Variants in HELB observed in about 807,000 individuals in gnomAD.
The protein encoded by HELB is DNA 5'-3' helicase B.
HELB carries 96 observed loss-of-function variants against 101.7 expected under a neutral mutation model. That is an observed-to-expected ratio of 0.94 (90% CI 0.80 to 1.12). The LOEUF is 1.12. HELB is among the 50% of genes most tolerant of loss of function. The pLI is 0.00. For missense variants in HELB, 1,210 were observed against 1,291.9 expected (o/e 0.94, Z 0.97); for synonymous variants, 437 against 459.7 (o/e 0.95, Z 0.63).
intron 1 of HELB, among the ~76,000 whole-genome samples, chr12:66,304,140 G>A (rs558772066): frequency 6.6e-6 from 1 of 152,162 alleles, no homozygotes; most frequent in Non-Finnish European, 1.5e-5. Flanking sequence ...AAATAACAAG[G>A]TTGCAGTCTT....
rs753367109 is a variant in HELB at position 66,305,166 on chromosome 12, A to G, written c.607+16A>G. The G allele has an allele frequency of 2.1e-6, 3 of 1,438,494 alleles. No homozygotes were observed. The highest frequency in any genetic ancestry group is 2.8e-6 in the Non-Finnish European group (3 of 1,056,956). 89.1% of individuals were successfully genotyped at this position (1,438,494 alleles called of 1,614,324 possible). ...GAAAACACAAGTAAGTGTGATTTTTATCATCAACTTTCAGTGTAATTGACA... is the reference window on the plus strand; with the variant it reads ...GAAAACACAAGTAAGTGTGATTTTTGTCATCAACTTTCAGTGTAATTGACA... On this transcript the variant is annotated intron_variant, in intron 2 of 12. Coordinates refer to ENST00000247815, the MANE Select transcript of HELB (RefSeq NM_001370285.1).
downstream of HELB, chr12:66,342,309 A>G (rs2053923368): frequency 6.6e-6 from 1 of 150,864 alleles, no homozygotes; most frequent in African/African-American, 2.4e-5. Flanking sequence ...AAATTAGTTG[A>G]CTGTAAATGT....
intron 1 of HELB, among the ~76,000 whole-genome samples, chr12:66,303,349 C>T (rs928139007): frequency 2.8e-4 from 42 of 151,944 alleles, no homozygotes; most frequent in African/African-American, 9.9e-4. Context: ...CAAAACAGTC[C>T]GGGCGCGGTG....
rs1419633757 is a variant in HELB, at chr12:66,322,754, C to T, written c.2268C>T (p.Cys756=). The T allele has an allele frequency of 1.9e-6, 3 of 1,610,718 alleles. No homozygotes were observed. Among genetic ancestry groups the T allele is most frequent in the Admixed American group, 1.7e-5 (1 of 59,746 alleles). ...RQDCDLINDC[C]CKHYTGHLTK... is the part of the protein sequence containing the mutation. Reference sequence around the variant, plus strand: ...ACTGTGATCTAATTAATGACTGCTGCTGCAAACACTACACAGGCCACCTCA... The same window carrying T: ...ACTGTGATCTAATTAATGACTGCTGTTGCAAACACTACACAGGCCACCTCA... Residue 756 remains cysteine, a synonymous_variant, in exon 9 of 13, where the codon TGC becomes TGT. Coordinates refer to ENST00000247815, the MANE Select transcript of HELB (RefSeq NM_001370285.1).
intron 11 of HELB, 113 bp from the exon 12 acceptor site, chr12:66,331,041 G>A: frequency 1.7e-6 from 2 of 1,172,278 alleles, no homozygotes; most frequent in East Asian, 4.7e-5. Flanking sequence ...ATAATAGTCT[G>A]GCCAGGTAGA....
At chr12:66,327,424 G>T (rs2053754792) in intron 11 of HELB, among the ~76,000 whole-genome samples, 1 of 151,968 alleles carries the variant, frequency 6.6e-6, no homozygotes, top group Non-Finnish European at 1.5e-5. Flanking sequence ...TTATCAAACT[G>T]TCTTATTTTC....
At chr12:66,325,443 T>C (rs533893014) in intron 11 of HELB, among the ~76,000 whole-genome samples, 1 of 152,350 alleles carries the variant, frequency 6.6e-6, no homozygotes, top group East Asian at 1.9e-4. Context: ...ATTTTGTTCA[T>C]CATGGATCCT....
In HELB at chr12:66,331,487, G is replaced by A. The variant is rs369945825; in HGVS notation, c.3004G>A (p.Glu1002Lys). ...HAMTNDVTWS[E>K]ASSPDERTLT... ...CATGACAAATGATGTCACCTGGAGC[G>A]AGGCCTCTTCGCCTGATGAGAGGAC... is the stretch of plus-strand genomic sequence containing the variant. The change falls in exon 12 of 13, where the codon GAG (glutamate) becomes AAG (lysine). Residue 1002 changes from glutamate (E) to lysine (K), a missense_variant. Transcript: ENST00000247815. The A allele has an allele frequency of 3.7e-5, 59 of 1,614,042 alleles. No individual in the cohort carries two copies. The highest frequency in any genetic ancestry group is 3.3e-4 in the African/African-American group (25 of 74,916).
chr12:66,314,969 A>G (rs2053586303), intron 5 of HELB, among the ~76,000 whole-genome samples: 1 of 150,326 alleles, frequency 6.7e-6, no homozygotes, highest in South Asian at 2.1e-4. Flanking sequence ...TGAAAAAGGG[A>G]CTAACTACAA....
chr12:66,318,908 A>C lies in HELB; in HGVS notation c.2155+116A>C, dbSNP rs2053640476. On this transcript the variant is annotated intron_variant, in intron 7 of 12. Transcript: ENST00000247815. ...AATGGTAAAGAGAAATATTGCTAGC[A>C]AAAAAAGAGACATTGAAAATAAATG... 1.4e-4 allele frequency: 100 copies of C among 736,616 alleles called. 1 individual carries two copies. In the South Asian group the frequency reaches 1.8e-3, roughly 13 times the overall value. The allele number at this position is 736,616 out of a possible 1,614,324, so 45.6% of individuals were successfully genotyped here.
At chr12:66,335,494 G>T (rs1049173233) in intron 12 of HELB, among the ~76,000 whole-genome samples, 1 of 152,184 alleles carries the variant, frequency 6.6e-6, no homozygotes, top group Admixed American at 6.5e-5. Flanking sequence ...AAGCAGTGGA[G>T]GCAGGTTTTG....
intron 11 of HELB, among the ~76,000 whole-genome samples, chr12:66,326,493 G>A (rs1002327820): frequency 2.6e-5 from 4 of 151,716 alleles, no homozygotes; most frequent in East Asian, 3.9e-4. Context: ...TGCCCATCTC[G>A]GCCTCCCAAA....
rs757111101 is a variant in HELB, at chr12:66,302,703, G to A, written c.100G>A (p.Glu34Lys). 1.2e-6 allele frequency: 2 copies of A among 1,614,170 alleles called. No individual in the cohort carries two copies. The highest frequency in any genetic ancestry group is 4.5e-5 in the East Asian group (2 of 44,876). Residue 34 changes from glutamate (E) to lysine (K), a missense_variant, in exon 1 of 13, where the codon GAG (glutamate) becomes AAG (lysine). Transcript: ENST00000247815. ...CGACGACTACCTAAACGACGACGTG[G>A]AGGAGGATGAAGAGTCCGTGTTCAT... The part of the protein sequence containing the change: ...EDDDYLNDDV[E>K]EDEESVFIDA...
intron 11 of HELB, among the ~76,000 whole-genome samples, chr12:66,327,344 C>T (rs978002451): frequency 6.6e-6 from 1 of 151,924 alleles, no homozygotes; most frequent in African/African-American, 2.4e-5. Flanking sequence ...TTCTCAGTTT[C>T]CTCTGTTCTG....
intron 12 of HELB, 120 bp downstream of exon 12, chr12:66,331,765 G>T: frequency 1.0e-6 from 1 of 996,424 alleles, no homozygotes; most frequent in East Asian, 2.4e-5. Flanking sequence ...AAAAACAATT[G>T]TTTTTCTCAT....
chr12:66,303,107 T>A (rs1168289), intron 1 of HELB, among the ~76,000 whole-genome samples: 56,008 of 127,306 alleles, frequency 0.44, 11,498 homozygotes, highest in East Asian at 0.55. Context: ...TTTTTTTTTT[T>A]AAAATTATTC....
At position 66,310,267 on chromosome 12, in the gene HELB, C is replaced by T. The variant is rs1176950733; in HGVS notation, c.1339C>T (p.Gln447Ter). The T allele has an allele frequency of 1.9e-6, 3 of 1,614,050 alleles. No individual in the cohort carries two copies. In the South Asian group the frequency reaches 3.3e-5, roughly 18 times the overall value. The change falls in exon 4 of 13, where the codon CAG becomes TAG. Residue 447 changes from glutamine (Q) to a stop codon, truncating the protein, a stop_gained. Coordinates refer to ENST00000247815, the MANE Select transcript of HELB (RefSeq NM_001370285.1). LOFTEE classifies it high-confidence loss of function. ...AGAAATAAGTGAAGTTCAGCTGGATCAGGATCAGGTTGAAGTTCCACTGGA... is the reference window on the plus strand; with the variant it reads ...AGAAATAAGTGAAGTTCAGCTGGATTAGGATCAGGTTGAAGTTCCACTGGA... Reference protein sequence around the residue: ...NAEISEVQLDQDQVEVPLDRD... With the variant: ...NAEISEVQLD
At chr12:66,337,513 A>G (rs2053879344) in intron 12 of HELB, among the ~76,000 whole-genome samples, 1 of 152,156 alleles carries the variant, frequency 6.6e-6, no homozygotes, top group East Asian at 1.9e-4. Context: ...AATCATTAGT[A>G]GCACAAAGAA....
In HELB at chr12:66,302,551, C is replaced by G. The variant is rs1053987351; in HGVS notation, c.-53C>G. 5.8e-6 allele frequency: 9 copies of G among 1,544,252 alleles called. No homozygotes were observed. The African/African-American group carries it at 6.8e-5, about 12-fold the overall frequency. ...GTAGAACTGATTGGCTGATCATGAC[C>G]ATGCAGTTAGCCAGGGTTTTCCCGA... On this transcript the variant is annotated 5_prime_UTR_variant, in exon 1 of 13. Coordinates refer to ENST00000247815, the MANE Select transcript of HELB (RefSeq NM_001370285.1).
Sources: allele counts gnomAD v4.1 joint callset (sites outside exome capture counted in the v4.1 genomes callset), GRCh38; gene constraint gnomAD v4.1.1; transcripts MANE v1.5; gene names NCBI Gene and HGNC (gene_info 2026-07-23, HGNC 2026-07-21).